Variants in ZCCHC7 observed in about 807,000 individuals in gnomAD.
ZCCHC7 encodes the protein zinc finger CCHC domain-containing protein 7.
ZCCHC7 carries 35 observed loss-of-function variants against 52.0 expected under a neutral mutation model. That is an observed-to-expected ratio of 0.67 (90% CI 0.51 to 0.89). ZCCHC7 has a LOEUF of 0.89. ZCCHC7 is among the 40% of genes least tolerant of loss of function. The pLI is 0.00. For synonymous variants in ZCCHC7, 217 were observed against 221.5 expected (o/e 0.98, Z 0.18); for missense variants, 574 against 649.1 (o/e 0.88, Z 1.26).
intron 2 of ZCCHC7, among the ~76,000 whole-genome samples, chr9:37,186,389 T>G (rs1050842468): frequency 6.6e-6 from 1 of 152,128 alleles, no homozygotes; most frequent in African/African-American, 2.4e-5. Context: ...GAGAGATGGA[T>G]TTTCATAAAC....
At chr9:37,261,977 T>C (rs1483943058) in intron 2 of ZCCHC7, among the ~76,000 whole-genome samples, 3 of 152,126 alleles carry the variant, frequency 2.0e-5, no homozygotes, top group African/African-American at 7.2e-5. Flanking sequence ...ACTCATTGCG[T>C]GAAAGATTTC....
intron 3 of ZCCHC7, among the ~76,000 whole-genome samples, chr9:37,302,927 T>G (rs1829102319): frequency 6.6e-6 from 1 of 152,334 alleles, no homozygotes; most frequent in South Asian, 2.1e-4. Flanking sequence ...CATTCCTTTA[T>G]TTCTATAAAG....
intron 2 of ZCCHC7, among the ~76,000 whole-genome samples, chr9:37,271,828 C>G (rs1277544402): frequency 6.6e-6 from 1 of 152,176 alleles, no homozygotes; most frequent in African/African-American, 2.4e-5. Flanking sequence ...CCTCAGCCTC[C>G]CAAATTGCTG....
chr9:37,311,511 C>G (rs1183547639), intron 5 of ZCCHC7, among the ~76,000 whole-genome samples: 1 of 152,086 alleles, frequency 6.6e-6, no homozygotes. Context: ...CTCCCAGATT[C>G]GAGCAATTCT....
At chr9:37,270,339 A>T (rs985806861) in intron 2 of ZCCHC7, among the ~76,000 whole-genome samples, 1 of 152,106 alleles carries the variant, frequency 6.6e-6, no homozygotes, top group Admixed American at 6.5e-5. Flanking sequence ...AGTTCTTGGC[A>T]TTTTCGTGTG....
intron 2 of ZCCHC7, among the ~76,000 whole-genome samples, chr9:37,147,170 A>T (rs1447720979): frequency 6.6e-6 from 1 of 151,972 alleles, no homozygotes; most frequent in Non-Finnish European, 1.5e-5. Context: ...AATATTAAAA[A>T]GTTAGCCCCG....
intron 1 of ZCCHC7, among the ~76,000 whole-genome samples, chr9:37,125,443 G>A (rs1207401399): frequency 2.0e-5 from 3 of 152,228 alleles, no homozygotes. Context: ...ACAGGCATGA[G>A]CCACTGCCAG....
intron 2 of ZCCHC7, among the ~76,000 whole-genome samples, chr9:37,224,909 G>A (rs533374664): frequency 8.5e-5 from 13 of 152,070 alleles, no homozygotes; most frequent in Non-Finnish European, 1.6e-4. Context: ...TGGAGCTCAT[G>A]CGAAACATTT....
At chr9:37,296,415 C>T (rs915056207) in intron 2 of ZCCHC7, among the ~76,000 whole-genome samples, 1 of 152,076 alleles carries the variant, frequency 6.6e-6, no homozygotes, top group African/African-American at 2.4e-5. Flanking sequence ...TTCTACTTTT[C>T]CTTTTTTCTT....
At chr9:37,185,579 T>A (rs1822608782) in intron 2 of ZCCHC7, among the ~76,000 whole-genome samples, 1 of 152,202 alleles carries the variant, frequency 6.6e-6, no homozygotes, top group Admixed American at 6.5e-5. Context: ...CTTGTAGAGC[T>A]CTGAGGGAGG....
At chr9:37,160,819 G>A (rs572651459) in intron 2 of ZCCHC7, among the ~76,000 whole-genome samples, 4 of 152,200 alleles carry the variant, frequency 2.6e-5, no homozygotes, top group South Asian at 2.1e-4. Context: ...CTGGGAGGCC[G>A]AGGTTGCAGT....
At chr9:37,283,993 A>G (rs1190063836) in intron 2 of ZCCHC7, among the ~76,000 whole-genome samples, 2 of 151,994 alleles carry the variant, frequency 1.3e-5, no homozygotes, top group South Asian at 2.1e-4. Flanking sequence ...GGGTGAAACA[A>G]AGGTTAACTG....
At chr9:37,153,084 C>T (rs1820619811) in intron 2 of ZCCHC7, among the ~76,000 whole-genome samples, 1 of 151,558 alleles carries the variant, frequency 6.6e-6, no homozygotes, top group African/African-American at 2.4e-5. Flanking sequence ...CAGTTGGCTC[C>T]TATGTTTCTT....
intron 2 of ZCCHC7, among the ~76,000 whole-genome samples, chr9:37,141,234 T>G (rs1843212514): frequency 6.6e-6 from 1 of 151,912 alleles, no homozygotes. Context: ...GGTCATATAT[T>G]CTTGGTGACT....
chr9:37,237,377 G>C (rs973465789), intron 2 of ZCCHC7, among the ~76,000 whole-genome samples: 1 of 152,088 alleles, frequency 6.6e-6, no homozygotes, highest in African/African-American at 2.4e-5. Flanking sequence ...AAGACTTAAG[G>C]TTTCATGAAT....
At chr9:37,135,182 A>G (rs908405094) in intron 2 of ZCCHC7, among the ~76,000 whole-genome samples, 3 of 152,192 alleles carry the variant, frequency 2.0e-5, no homozygotes, top group African/African-American at 2.4e-5. Context: ...TATCTTCTAC[A>G]CTAATCTGAG....
intron 6 of ZCCHC7, among the ~76,000 whole-genome samples, chr9:37,342,716 G>C (rs1299828845): frequency 6.6e-6 from 1 of 152,214 alleles, no homozygotes. Flanking sequence ...TATGTAAGAT[G>C]AGTATGTTTC....
chr9:37,337,948 T>A (rs2118418166), intron 6 of ZCCHC7, among the ~76,000 whole-genome samples: 1 of 152,316 alleles, frequency 6.6e-6, no homozygotes, highest in African/African-American at 2.4e-5. Flanking sequence ...ACATTGGAAA[T>A]ATTTAAATAG....
intron 2 of ZCCHC7, among the ~76,000 whole-genome samples, chr9:37,158,582 A>G (rs999235799): frequency 1.3e-5 from 2 of 152,266 alleles, no homozygotes; most frequent in Middle Eastern, 6.8e-3. Flanking sequence ...TTTCCCTTTT[A>G]TCTTGAATTT....
Sources: allele counts gnomAD v4.1 joint callset (sites outside exome capture counted in the v4.1 genomes callset), GRCh38; gene constraint gnomAD v4.1.1; transcripts MANE v1.5; gene names NCBI Gene and HGNC (gene_info 2026-07-23, HGNC 2026-07-21).